Variants in TTC28 observed in about 807,000 individuals in gnomAD.
TTC28 encodes tetratricopeptide repeat protein 28.
A neutral mutation model predicts 198.0 loss-of-function variants in TTC28; 61 were observed. The ratio of observed to expected loss-of-function variants is 0.31; its 90% confidence interval spans 0.25 to 0.38. The LOEUF is 0.38. Ranked by LOEUF, TTC28 falls within the 10% of genes least tolerant of loss-of-function variation. The probability of loss-of-function intolerance (pLI) is 1.00; values close to 1 mark genes in which losing one functional copy is unlikely to be tolerated. For synonymous variants in TTC28, 1,171 were observed against 1,297.8 expected (o/e 0.90, Z 2.10); for missense variants, 2,678 against 3,164.0 (o/e 0.85, Z 3.69).
chr22:28,301,323 C>T (rs1175737141), intron 3 of TTC28, among the ~76,000 whole-genome samples: 4 of 152,174 alleles, frequency 2.6e-5, no homozygotes, highest in Non-Finnish European at 4.4e-5. Flanking sequence ...AGATGCTTTT[C>T]TTTCTAGAGT....
chr22:28,373,193 A>T (rs1279110864), intron 2 of TTC28, among the ~76,000 whole-genome samples: 1 of 152,010 alleles, frequency 6.6e-6, no homozygotes, highest in East Asian at 1.9e-4. Context: ...ACTATGCCAG[A>T]TGTTCAAGAT....
At chr22:28,584,902 T>C (rs754801660) in intron 2 of TTC28, among the ~76,000 whole-genome samples, 2 of 152,206 alleles carry the variant, frequency 1.3e-5, no homozygotes, top group Non-Finnish European at 2.9e-5. Flanking sequence ...ATTAGATCAA[T>C]GGTAAACTTG....
At chr22:28,401,205 GGATGACGATGACGATGACGACGAC>G (rs1190081361) in intron 2 of TTC28, among the ~76,000 whole-genome samples, 1 of 151,804 alleles carries the variant, frequency 6.6e-6, no homozygotes, top group Non-Finnish European at 1.5e-5. Flanking sequence ...AGGAGGAGGA[GGATGACGATGACGATGACGACGAC>G]GATGACGACG....
At chr22:28,538,995 A>AC (rs527317402) in intron 2 of TTC28, among the ~76,000 whole-genome samples, 50 of 152,214 alleles carry the variant, frequency 3.3e-4, no homozygotes, top group Admixed American at 7.9e-4. Context: ...AGGTAGATTC[A>AC]CCCCAATATA....
chr22:28,033,624 T>G (rs1248090789), intron 12 of TTC28, among the ~76,000 whole-genome samples: 1 of 152,240 alleles, frequency 6.6e-6, no homozygotes, highest in East Asian at 1.9e-4. Flanking sequence ...ATTCTTTATC[T>G]TAAACTATCT....
At chr22:28,336,323 C>T (rs1006866033) in intron 2 of TTC28, among the ~76,000 whole-genome samples, 7 of 152,044 alleles carry the variant, frequency 4.6e-5, no homozygotes, top group Non-Finnish European at 1.5e-5. Context: ...CTCCACCAGG[C>T]GTTGGTTATC....
chr22:28,197,090 C>T (rs540726096), intron 5 of TTC28, among the ~76,000 whole-genome samples: 1 of 152,014 alleles, frequency 6.6e-6, no homozygotes, highest in South Asian at 2.1e-4. Context: ...ACTATGCAGC[C>T]ATAAAAAATA....
intron 5 of TTC28, among the ~76,000 whole-genome samples, chr22:28,236,538 C>A (rs1181597558): frequency 6.6e-6 from 1 of 152,156 alleles, no homozygotes; most frequent in Non-Finnish European, 1.5e-5. Context: ...CAGTGACAAA[C>A]AGATAATACA....
chr22:28,079,814 G>C (rs962836624), intron 12 of TTC28, among the ~76,000 whole-genome samples: 1 of 152,020 alleles, frequency 6.6e-6, no homozygotes, highest in African/African-American at 2.4e-5. Context: ...CTACAGCCTC[G>C]ACCTCCCAGG....
intron 5 of TTC28, among the ~76,000 whole-genome samples, chr22:28,268,658 T>C (rs763620280): frequency 2.0e-5 from 3 of 152,228 alleles, no homozygotes; most frequent in Non-Finnish European, 2.9e-5. Context: ...ATGCATTTAA[T>C]GGGAAATGCA....
chr22:28,021,965 T>A (rs887537696), intron 13 of TTC28, among the ~76,000 whole-genome samples: 1 of 152,246 alleles, frequency 6.6e-6, no homozygotes, highest in Non-Finnish European at 1.5e-5. Context: ...TGGGCTGTGA[T>A]GTGAGTACAC....
At position 28,566,899 on chromosome 22, in the gene TTC28, C is replaced by T. The variant is rs565447979; in HGVS notation, c.381+62653G>A. 6.4e-4 allele frequency among the ~76,000 whole-genome samples: 98 copies of T among 152,104 alleles called. 1 individual carries two copies. In the South Asian group the frequency reaches 0.02, roughly 31 times the overall value. ...AGGAGTTCGAGACCAGCCTCGGAAA[C>T]ATGGGAGACACCATCTCTAAAAAGG... On this transcript the variant is annotated intron_variant, in intron 2 of 22. Transcript: ENST00000397906.
intron 5 of TTC28, among the ~76,000 whole-genome samples, chr22:28,257,232 C>T (rs1321120147): frequency 6.6e-6 from 1 of 151,938 alleles, no homozygotes; most frequent in East Asian, 1.9e-4. Context: ...CCATATGATC[C>T]AGTAATCCCA....
chr22:28,108,409 A>C lies in TTC28; in HGVS notation c.1442-6T>G. On this transcript the variant is annotated splice_polypyrimidine_tract_variant and splice_region_variant and intron_variant, in intron 6 of 22. Transcript: ENST00000397906. ...TTTCATCTGGTGTATGATTCCTGAG[A>C]AAGAGAATAAAAGAACAGACTAAGA... 7.0e-7 allele frequency: 1 copy of C among 1,434,548 alleles called. No homozygotes were observed. Among genetic ancestry groups the C allele is most frequent in the Non-Finnish European group, 9.2e-7 (1 of 1,090,382 alleles). 88.9% of individuals were successfully genotyped at this position (1,434,548 alleles called of 1,614,324 possible). A position where few individuals can be genotyped will look rare whatever the true frequency, so the allele number is the denominator to read the frequency against.
intron 3 of TTC28, 98 bp from the exon 4 acceptor site, chr22:28,297,950 A>G: frequency 7.5e-7 from 1 of 1,334,612 alleles, no homozygotes; most frequent in Admixed American, 2.5e-5. Flanking sequence ...TGTTTATCAT[A>G]TCTTTTGTGG....
chr22:28,630,609 C>T (rs1462206321), intron 1 of TTC28, among the ~76,000 whole-genome samples: 1 of 152,134 alleles, frequency 6.6e-6, no homozygotes, highest in Non-Finnish European at 1.5e-5. Context: ...AGTTGCTGCA[C>T]CTGGCCAAAT....
intron 12 of TTC28, among the ~76,000 whole-genome samples, chr22:28,072,110 A>T (rs1941007242): frequency 6.6e-6 from 1 of 152,200 alleles, no homozygotes; most frequent in South Asian, 2.1e-4. Context: ...ACTTCACAGG[A>T]GTGGAAGTGG....
intron 2 of TTC28, among the ~76,000 whole-genome samples, chr22:28,553,688 G>A (rs757897776): frequency 6.6e-6 from 1 of 151,596 alleles, no homozygotes; most frequent in African/African-American, 2.4e-5. Flanking sequence ...CAGCCGCCCC[G>A]TCCGGGAGGG....
intron 2 of TTC28, among the ~76,000 whole-genome samples, chr22:28,390,539 C>T (rs1183434493): frequency 6.6e-6 from 1 of 152,102 alleles, no homozygotes; most frequent in Non-Finnish European, 1.5e-5. Context: ...GTATTGGGTG[C>T]ATATATATTT....
Sources: gnomAD v4.1 joint callset for allele counts (sites outside exome capture counted in the v4.1 genomes callset) on GRCh38, gnomAD v4.1.1 for gene constraint, MANE v1.5 for transcripts, NCBI Gene and HGNC (gene_info 2026-07-23, HGNC 2026-07-21) for gene names.